The following EPHB1 variants were observed in gnomAD, a reference collection of about 807,000 sequenced individuals.
EPHB1 encodes the protein ephrin type-B receptor 1.
In EPHB1, 30 loss-of-function variants were observed where a neutral mutation model predicts 94.4. The observed-to-expected ratio is 0.32, with a 90% confidence interval of 0.24 to 0.43. EPHB1 has a LOEUF of 0.43. Ranked by LOEUF, EPHB1 falls within the 20% of genes least tolerant of loss-of-function variation. EPHB1 has a pLI of 1.00. For synonymous variants in EPHB1, 522 were observed against 489.1 expected, an observed-to-expected ratio of 1.07 and a Z score of -0.89; for missense variants, 1,055 against 1,308.3, an observed-to-expected ratio of 0.81 and a Z score of 2.99.
chr3:134,887,140 T>C (rs1472285911), intron 1 of EPHB1, among the ~76,000 whole-genome samples: 4 of 151,974 alleles, frequency 2.6e-5, no homozygotes, highest in Non-Finnish European at 5.9e-5. Context: ...GGCCCACTCC[T>C]GTAGCTGCAT....
intron 13 of EPHB1, among the ~76,000 whole-genome samples, chr3:135,245,725 G>A (rs556374035): frequency 4.2e-5 from 6 of 143,706 alleles, no homozygotes; most frequent in Non-Finnish European, 8.9e-5. Context: ...AGAATTGCTT[G>A]AACCCAGGAG....
intron 10 of EPHB1, among the ~76,000 whole-genome samples, chr3:135,183,011 TTTTCTTTTCTTTTCTTTTCTTTC>T (rs1313870214): frequency 0.016 from 1,149 of 72,450 alleles, 12 homozygotes; most frequent in Middle Eastern, 0.033. Context: ...TTTTCTTTTC[TTTTCTTTTCTTTTCTTTTCTTTC>T]TTTCTTTCTT....
Position 135,132,913 on chromosome 3 carries a change from G to A in EPHB1, c.1161G>A (p.Thr387=), listed in dbSNP as rs367562212. 2.2e-5 allele frequency: 35 copies of A among 1,613,918 alleles called. No individual in the cohort carries two copies. In the Middle Eastern group the frequency reaches 6.6e-4, roughly 30 times the overall value. ...VEFVPRQLGL[T]ECRVSISSLW... ...TTGTGCCCAGGCAGCTGGGCCTGAC[G>A]GAGTGCCGCGTCTCCATCAGCAGCC... The change falls in exon 5 of 16, where the codon ACG becomes ACA. Residue 387 remains threonine, a synonymous_variant. Transcript: ENST00000398015.
chr3:134,805,520 C>T (rs1252779244), intron 1 of EPHB1, among the ~76,000 whole-genome samples: 2 of 152,146 alleles, frequency 1.3e-5, no homozygotes, highest in African/African-American at 4.8e-5. Context: ...CCCTACATCA[C>T]CTGGGTCCAC....
At position 135,006,492 on chromosome 3, in the gene EPHB1, G is replaced by A. The variant is rs113684959; in HGVS notation, c.805+54440G>A. Among the ~76,000 whole-genome samples the A allele has an allele frequency of 7.1e-3, 1,082 of 152,290 alleles. 15 individuals carry two copies. Among genetic ancestry groups the A allele is most frequent in the African/African-American group, 0.024 (1,005 of 41,536 alleles). Reference sequence around the variant, plus strand: ...GATAAATATTTAGTTACAGTATTTTGCACCATAAAAATGACAATAAAAGAT... The same window carrying A: ...GATAAATATTTAGTTACAGTATTTTACACCATAAAAATGACAATAAAAGAT... On this transcript the variant is annotated intron_variant, in intron 3 of 15. Transcript: ENST00000398015.
intron 1 of EPHB1, among the ~76,000 whole-genome samples, chr3:134,815,454 A>G (rs934328029): frequency 6.6e-6 from 1 of 152,078 alleles, no homozygotes; most frequent in Non-Finnish European, 1.5e-5. Context: ...GTACCATAAA[A>G]TATATGTGGT....
chr3:135,246,852 C>T (rs1943939404), intron 13 of EPHB1, among the ~76,000 whole-genome samples: 1 of 152,172 alleles, frequency 6.6e-6, no homozygotes, highest in Admixed American at 6.5e-5. Flanking sequence ...AACTAATACA[C>T]TTTGATTATC....
intron 12 of EPHB1, among the ~76,000 whole-genome samples, chr3:135,217,024 G>A (rs1347786135): frequency 6.6e-6 from 1 of 152,148 alleles, no homozygotes; most frequent in Non-Finnish European, 1.5e-5. Context: ...GAACTTGCTA[G>A]GGTGTCTTTC....
chr3:135,250,203 G>C (rs1319191975), intron 15 of EPHB1, among the ~76,000 whole-genome samples: 1 of 152,052 alleles, frequency 6.6e-6, no homozygotes, highest in African/African-American at 2.4e-5. Context: ...GCATTATAAA[G>C]GCCATGAGAA....
At chr3:135,174,962 A>G (rs1265754695) in intron 9 of EPHB1, among the ~76,000 whole-genome samples, 2 of 152,284 alleles carry the variant, frequency 1.3e-5, no homozygotes, top group East Asian at 1.9e-4. Context: ...GGGAAGTGCC[A>G]GGTTTGTACT....
intron 5 of EPHB1, among the ~76,000 whole-genome samples, chr3:135,152,284 G>GA (rs1941218011): frequency 6.6e-6 from 1 of 152,224 alleles, no homozygotes; most frequent in Non-Finnish European, 1.5e-5. Context: ...ACAGTGGGAA[G>GA]AAGATAACTT....
chr3:134,991,846 T>A lies in EPHB1; in HGVS notation c.805+39794T>A, dbSNP rs369187202. Among the ~76,000 whole-genome samples, 35 of 152,308 alleles carry A rather than the reference T, an allele frequency of 2.3e-4. No individual in the cohort carries two copies. The East Asian group carries it at 6.6e-3, about 29-fold the overall frequency. On this transcript the variant is annotated intron_variant, in intron 3 of 15. Coordinates refer to ENST00000398015, the MANE Select transcript of EPHB1 (RefSeq NM_004441.5). ...CAGGGAGTCTTGCTGACCCCTCCAA[T>A]GAGACAGAGTCCCTGTTATTTGCAT...
At chr3:135,122,699 T>C (rs1940023621) in intron 4 of EPHB1, among the ~76,000 whole-genome samples, 1 of 152,182 alleles carries the variant, frequency 6.6e-6, no homozygotes, top group South Asian at 2.1e-4. Context: ...TCCCAGAATG[T>C]ATAATCTACT....
intron 4 of EPHB1, among the ~76,000 whole-genome samples, chr3:135,110,305 C>T (rs1326383407): frequency 6.6e-6 from 1 of 152,030 alleles, no homozygotes; most frequent in Admixed American, 6.5e-5. Context: ...CAGTTTTGAT[C>T]ATAGAAATGG....
chr3:135,212,954 C>T (rs1435779490), intron 12 of EPHB1, among the ~76,000 whole-genome samples: 2 of 152,234 alleles, frequency 1.3e-5, no homozygotes, highest in Non-Finnish European at 2.9e-5. Flanking sequence ...TAAGACAGTA[C>T]TTAAGACCTC....
intron 5 of EPHB1, among the ~76,000 whole-genome samples, chr3:135,140,641 C>T (rs186095825): frequency 6.6e-6 from 1 of 152,290 alleles, no homozygotes; most frequent in East Asian, 1.9e-4. Flanking sequence ...TTCCTGTGTG[C>T]ACTGCACCCC....
chr3:134,817,418 C>G (rs1429043666), intron 1 of EPHB1, among the ~76,000 whole-genome samples: 1 of 152,178 alleles, frequency 6.6e-6, no homozygotes, highest in East Asian at 1.9e-4. Flanking sequence ...AGAGCTGAGG[C>G]CATGTGGAGG....
chr3:135,073,682 T>C (rs1037308668), intron 3 of EPHB1, among the ~76,000 whole-genome samples: 19 of 152,298 alleles, frequency 1.2e-4, no homozygotes, highest in Admixed American at 7.2e-4. Flanking sequence ...TTTTTTTAAG[T>C]TTATTTGAAT....
chr3:134,886,488 C>T (rs1375169329), intron 1 of EPHB1, among the ~76,000 whole-genome samples: 1 of 152,096 alleles, frequency 6.6e-6, no homozygotes, highest in African/African-American at 2.4e-5. Flanking sequence ...TATTTTCTGC[C>T]ATACCCATCT....
Sources: allele counts gnomAD v4.1 joint callset (sites outside exome capture counted in the v4.1 genomes callset), GRCh38; gene constraint gnomAD v4.1.1; transcripts MANE v1.5; gene names NCBI Gene and HGNC (gene_info 2026-07-23, HGNC 2026-07-21).